Variants in SLC35F3 observed in about 807,000 individuals in gnomAD.
The protein encoded by SLC35F3 is solute carrier family 35 member F3.
A neutral mutation model predicts 49.9 loss-of-function variants in SLC35F3; 25 were observed. That is an observed-to-expected ratio of 0.50 (90% CI 0.37 to 0.70). The LOEUF is 0.70. Among genes scored for constraint, SLC35F3 ranks in the 30% least tolerant of loss-of-function variants. SLC35F3 has a pLI of 0.00. For synonymous variants in SLC35F3, 275 were observed against 265.4 expected (o/e 1.04, Z -0.35); for missense variants, 525 against 639.8 (o/e 0.82, Z 1.94).
In SLC35F3 at chr1:234,047,477, T is replaced by C. The variant is rs6681597; in HGVS notation, c.283+141719T>C. On this transcript the variant is annotated intron_variant, in intron 2 of 7. Transcript: ENST00000366618. ...AGGGAATTCCTCTTGCCTGACTGCT[T>C]CAGCTGGGATAACAGCTTTCTTCCT... 6.6e-3 allele frequency among the ~76,000 whole-genome samples: 1,004 copies of C among 152,328 alleles called. 11 individuals carry two copies. Among genetic ancestry groups the C allele is most frequent in the African/African-American group, 0.023 (960 of 41,584 alleles).
chr1:233,962,842 G>A, intron 2 of SLC35F3, among the ~76,000 whole-genome samples: 1 of 152,212 alleles, frequency 6.6e-6, no homozygotes, highest in Middle Eastern at 3.2e-3. Context: ...ACTAGGATGG[G>A]ACTGTAATGG....
chr1:233,941,615 C>CA (rs1188649566), intron 2 of SLC35F3, among the ~76,000 whole-genome samples: 4 of 152,094 alleles, frequency 2.6e-5, no homozygotes, highest in African/African-American at 9.7e-5. Flanking sequence ...CCAATTATAC[C>CA]AAACTGAAAC....
intron 2 of SLC35F3, among the ~76,000 whole-genome samples, chr1:233,922,132 A>G (rs1290412941): frequency 6.6e-6 from 1 of 152,218 alleles, no homozygotes; most frequent in Non-Finnish European, 1.5e-5. Context: ...AAGCAGCATG[A>G]TTTATAATCC....
At chr1:234,088,293 C>T (rs1278758403) in intron 2 of SLC35F3, among the ~76,000 whole-genome samples, 1 of 152,168 alleles carries the variant, frequency 6.6e-6, no homozygotes, top group African/African-American at 2.4e-5. Flanking sequence ...CTGCAACCTC[C>T]ATCTCCTGGG....
chr1:233,923,235 G>A (rs977664813), intron 2 of SLC35F3, among the ~76,000 whole-genome samples: 4 of 152,058 alleles, frequency 2.6e-5, no homozygotes, highest in Non-Finnish European at 5.9e-5. Context: ...AAATTACCTT[G>A]GGCAGTATGG....
chr1:234,299,823 A>AAAAT (rs747533974), intron 3 of SLC35F3, among the ~76,000 whole-genome samples: 1 of 150,412 alleles, frequency 6.6e-6, no homozygotes, highest in Non-Finnish European at 1.5e-5. Context: ...AAAAAAAAAA[A>AAAAT]AGAGAAGAAA....
At chr1:234,250,884 G>C (rs1667728536) in intron 3 of SLC35F3, among the ~76,000 whole-genome samples, 1 of 152,102 alleles carries the variant, frequency 6.6e-6, no homozygotes, top group African/African-American at 2.4e-5. Context: ...ACTCATTACT[G>C]CAAAGACTGC....
chr1:233,912,918 C>A (rs1051417691), intron 2 of SLC35F3, among the ~76,000 whole-genome samples: 1 of 152,230 alleles, frequency 6.6e-6, no homozygotes, highest in Non-Finnish European at 1.5e-5. Flanking sequence ...GTCTGTACAG[C>A]TGGCATCTAT....
chr1:234,102,807 C>G (rs1226814845), intron 2 of SLC35F3, among the ~76,000 whole-genome samples: 1 of 152,200 alleles, frequency 6.6e-6, no homozygotes, highest in Non-Finnish European at 1.5e-5. Context: ...ACCACAGCCG[C>G]TAAAGTCGGA....
At position 234,180,394 on chromosome 1, in the gene SLC35F3, G is replaced by T. The variant is rs143768056; in HGVS notation, c.284-51023G>T. The stretch of plus-strand genomic sequence containing the variant: ...TAAATCCCTTTCTTCAGAAGGAGGG[G>T]CTCAGGTAAAGGAAACACATCACTT... On this transcript the variant is annotated intron_variant, in intron 2 of 7. Coordinates refer to ENST00000366618, the MANE Select transcript of SLC35F3 (RefSeq NM_173508.4). Among the ~76,000 whole-genome samples, 7 of 152,272 alleles carry T rather than the reference G, an allele frequency of 4.6e-5. No homozygotes were observed. The East Asian group carries it at 1.4e-3, about 29-fold the overall frequency.
At chr1:234,305,839 G>T (rs905563118) in intron 3 of SLC35F3, among the ~76,000 whole-genome samples, 3 of 152,144 alleles carry the variant, frequency 2.0e-5, no homozygotes, top group African/African-American at 7.2e-5. Context: ...GCACAAGCAG[G>T]ATCAGAAGTA....
At chr1:234,275,208 T>A (rs1199314365) in intron 3 of SLC35F3, among the ~76,000 whole-genome samples, 1 of 152,190 alleles carries the variant, frequency 6.6e-6, no homozygotes, top group Non-Finnish European at 1.5e-5. Context: ...CTTTAAAATA[T>A]TGTAGAAAAT....
chr1:234,296,079 G>T (rs894854111), intron 3 of SLC35F3, among the ~76,000 whole-genome samples: 1 of 152,214 alleles, frequency 6.6e-6, no homozygotes, highest in Non-Finnish European at 1.5e-5. Flanking sequence ...AGAAGTGAGA[G>T]CCCAGCAGCT....
chr1:234,029,724 T>C (rs1453158536), intron 2 of SLC35F3, among the ~76,000 whole-genome samples: 1 of 152,166 alleles, frequency 6.6e-6, no homozygotes, highest in Non-Finnish European at 1.5e-5. Flanking sequence ...GGGCTGAACA[T>C]GGTAGCACAT....
rs551735387 is a variant in SLC35F3 at position 234,098,137 on chromosome 1, ATGG to A, written c.284-133272_284-133270del. Among the ~76,000 whole-genome samples the A allele has an allele frequency of 3.8e-3, 540 of 141,012 alleles. 7 individuals are homozygous for A. Among genetic ancestry groups the A allele is most frequent in the African/African-American group, 0.014 (502 of 37,014 alleles). The allele number at this position is 141,012 out of a possible 152,430, so 92.5% of individuals were successfully genotyped here. On this transcript the variant is annotated intron_variant, in intron 2 of 7. Coordinates refer to ENST00000366618, the MANE Select transcript of SLC35F3 (RefSeq NM_173508.4). The stretch of plus-strand genomic sequence containing the variant: ...AGTGGTGGTGGTGGTGGCAGTTCAG[ATGG>A]TGGTGGTAGTGATGGTGTTATACGG...
At position 234,231,525 on chromosome 1, in the gene SLC35F3, A is replaced by C; in HGVS notation, c.392A>C (p.Gln131Pro). ...SRRCWTCSRA[Q>P]LKKIFWGVAV... Reference sequence around the variant, plus strand: ...CGCTGCTGGACGTGCTCCCGGGCGCAACTCAAGAAGATCTTCTGGGGCGTG... The same window carrying C: ...CGCTGCTGGACGTGCTCCCGGGCGCCACTCAAGAAGATCTTCTGGGGCGTG... Residue 131 changes from glutamine (Q) to proline (P), a missense_variant, in exon 3 of 8, where the codon CAA becomes CCA. Gln to Pro is a moderately conservative substitution (Grantham distance 76). Around this residue, in one of 4 missense-constraint regions of SLC35F3, gnomAD observed 228 missense variants for 218.9 expected, o/e 1.04. Transcript: ENST00000366618. The surrounding 1 kb of genome is among the most constrained non-coding windows in gnomAD (Gnocchi z 5.4). 1 of 1,613,912 alleles carries C rather than the reference A, an allele frequency of 6.2e-7. No homozygotes were observed. Among genetic ancestry groups the C allele is most frequent in the Non-Finnish European group, 8.5e-7 (1 of 1,179,914 alleles).
chr1:234,126,864 T>G (rs12117806), intron 2 of SLC35F3, among the ~76,000 whole-genome samples: 27,965 of 152,094 alleles, frequency 0.18, 3,284 homozygotes, highest in Non-Finnish European at 0.27. Context: ...CTGGGCTAAT[T>G]TTTTAATTTT....
intron 3 of SLC35F3, among the ~76,000 whole-genome samples, chr1:234,302,695 GTT>G (rs894263183): frequency 6.6e-6 from 1 of 152,096 alleles, no homozygotes; most frequent in Non-Finnish European, 1.5e-5. Flanking sequence ...ACTAACATCT[GTT>G]TGAACTTGAG....
In SLC35F3 at chr1:234,010,017, A is replaced by C. The variant is rs142612852; in HGVS notation, c.283+104259A>C. On this transcript the variant is annotated intron_variant, in intron 2 of 7. Coordinates refer to ENST00000366618, the MANE Select transcript of SLC35F3 (RefSeq NM_173508.4). ...ATAAATTGAAATTAAAATTAGTAAC[A>C]TAAAACATACAAAAATATAAAACTT... 9.7e-3 allele frequency among the ~76,000 whole-genome samples: 1,477 copies of C among 152,362 alleles called. 8 individuals are homozygous for C. Among genetic ancestry groups the C allele is most frequent in the Non-Finnish European group, 0.016 (1,085 of 68,026 alleles).
Sources: allele counts gnomAD v4.1 joint callset (sites outside exome capture counted in the v4.1 genomes callset), GRCh38; gene constraint gnomAD v4.1.1; regional missense constraint gnomAD v4.1.1; non-coding constraint Gnocchi (gnomAD v3.1); transcripts MANE v1.5; gene names NCBI Gene and HGNC (gene_info 2026-07-23, HGNC 2026-07-21).